Variants in DST observed in about 807,000 individuals in gnomAD.
DST encodes the protein dystonin.
In DST, 253 loss-of-function variants were observed where a neutral mutation model predicts 875.2. The observed-to-expected ratio is 0.29, with a 90% CI of 0.26 to 0.32. The LOEUF is 0.32. Among genes scored for constraint, DST ranks in the 10% least tolerant of loss-of-function variants. The pLI is 1.00. For synonymous variants in DST, 3,124 were observed against 3,197.1 expected (o/e 0.98, Z 0.77); for missense variants, 8,287 against 9,111.6 (o/e 0.91, Z 3.68).
At chr6:56,848,154 C>G (rs1031390500) in intron 4 of DST, among the ~76,000 whole-genome samples, 1 of 152,182 alleles carries the variant, frequency 6.6e-6, no homozygotes, top group Non-Finnish European at 1.5e-5. Context: ...TGTCCATTCA[C>G]CAATCTCTTT....
chr6:56,501,381 T>C lies in DST; in HGVS notation c.19740+139A>G. 6 of 1,135,598 alleles carry C rather than the reference T, an allele frequency of 5.3e-6. No individual in the cohort carries two copies. In the South Asian group the frequency reaches 1.2e-4, roughly 23 times the overall value. 70.3% of individuals were successfully genotyped at this position (1,135,598 alleles called of 1,614,324 possible). ...GCCTAATCATCATATCCTTCTATGT[T>C]TTAAGTTTGACGCTCCTCATGGTTA... is the stretch of plus-strand genomic sequence containing the variant. On this transcript the variant is annotated intron_variant, in intron 79 of 103. Coordinates refer to ENST00000680361, the MANE Select transcript of DST (RefSeq NM_001374736.1).
At chr6:56,511,544 C>G (rs2096476050) in intron 72 of DST, 144 bp from the exon 73 acceptor site, 1 of 653,470 alleles carries the variant, frequency 1.5e-6, no homozygotes, top group African/African-American at 1.8e-5. Context: ...ATGGCTCATA[C>G]AGCTCTTTGC....
Position 56,608,320 on chromosome 6 carries a change from C to T in DST, c.6308G>A (p.Gly2103Asp), listed in dbSNP as rs2152713823. Residue 2103 changes from glycine to aspartate, a missense_variant, in exon 40 of 104, where the codon GGC (glycine) becomes GAC (aspartate). Transcript: ENST00000680361. ...TNELAYKILN[G>D]RQKIAALYIP... ...ATAAAGAGCAGCTATTTTTTGTCTGCCATTCAGGATTTTGTAGGCCAATTC... is the reference window on the plus strand; with the variant it reads ...ATAAAGAGCAGCTATTTTTTGTCTGTCATTCAGGATTTTGTAGGCCAATTC... 1 of 1,612,922 alleles carries T rather than the reference C, an allele frequency of 6.2e-7. No homozygotes were observed. Among genetic ancestry groups the T allele is most frequent in the South Asian group, 1.1e-5 (1 of 91,076 alleles).
At chr6:56,496,219 G>A (rs2095897343) in intron 82 of DST, among the ~76,000 whole-genome samples, 1 of 152,116 alleles carries the variant, frequency 6.6e-6, no homozygotes, top group African/African-American at 2.4e-5. Flanking sequence ...AATTTAAAAT[G>A]TCAATAAATC....
At chr6:56,468,081 T>C (rs1240059289) in intron 98 of DST, among the ~76,000 whole-genome samples, 1 of 152,178 alleles carries the variant, frequency 6.6e-6, no homozygotes, top group South Asian at 2.1e-4. Context: ...AGATGTAATA[T>C]GGCTTTAAAA....
At chr6:56,647,562 T>G (rs2098950504) in intron 13 of DST, among the ~76,000 whole-genome samples, 1 of 152,190 alleles carries the variant, frequency 6.6e-6, no homozygotes, top group African/African-American at 2.4e-5. Flanking sequence ...TAAGGCTTTG[T>G]CGGCAATATT....
At chr6:56,565,328 C>T (rs1481701711) in intron 55 of DST, among the ~76,000 whole-genome samples, 3 of 152,016 alleles carry the variant, frequency 2.0e-5, no homozygotes, top group African/African-American at 7.2e-5. Context: ...ACCGTGTTAA[C>T]CACGATGGTC....
rs770248710 is a variant in DST at position 56,954,411 on chromosome 6, G to A, written c.177C>T (p.Ser59=). 11 of 1,366,712 alleles carry A rather than the reference G, an allele frequency of 8.0e-6. No individual in the cohort carries two copies. The South Asian group carries it at 1.3e-4, about 16-fold the overall frequency. The allele number at this position is 1,366,712 out of a possible 1,614,324, so 84.7% of individuals were successfully genotyped here. A position where few individuals can be genotyped will look rare whatever the true frequency, so the allele number is the denominator to read the frequency against. Residue 59 remains serine (S), a synonymous_variant, in exon 1 of 104, where the codon AGC becomes AGT. Transcript: ENST00000680361. The part of the protein sequence containing the change: ...MKSVFSGRSR[S]RDAVLRSHHF... ...ACCCGTCGCGGCGTGTCTTACCTCG[G>A]CTTCTTGAACGACCCGAGAAGACCG...
intron 2 of DST, among the ~76,000 whole-genome samples, chr6:56,925,803 A>G (rs181163344): frequency 1.6e-4 from 24 of 152,288 alleles, no homozygotes; most frequent in South Asian, 8.3e-4. Flanking sequence ...TTATCTCCCA[A>G]TGAATCTATT....
At chr6:56,472,552 C>T (rs1044887210) in intron 93 of DST, among the ~76,000 whole-genome samples, 3 of 152,164 alleles carry the variant, frequency 2.0e-5, no homozygotes, top group African/African-American at 7.2e-5. Context: ...TGATCCTCCA[C>T]TTTGTTAAAG....
At chr6:56,853,280 T>C (rs1766193307) in intron 3 of DST, among the ~76,000 whole-genome samples, 1 of 152,188 alleles carries the variant, frequency 6.6e-6, no homozygotes, top group Non-Finnish European at 1.5e-5. Context: ...TAAAATTGAT[T>C]TTCTGTATTG....
At chr6:56,563,908 G>A (rs924012758) in intron 55 of DST, among the ~76,000 whole-genome samples, 8 of 152,102 alleles carry the variant, frequency 5.3e-5, no homozygotes, top group African/African-American at 1.9e-4. Context: ...TTATTTCTGA[G>A]GCCTCTGTTC....
chr6:56,835,551 T>C (rs2099792611), intron 4 of DST, among the ~76,000 whole-genome samples: 1 of 152,212 alleles, frequency 6.6e-6, no homozygotes, highest in African/African-American at 2.4e-5. Flanking sequence ...ACTACTGGTG[T>C]AGGAAGAGCC....
chr6:56,830,065 T>A (rs2099785251), intron 4 of DST, among the ~76,000 whole-genome samples: 1 of 152,174 alleles, frequency 6.6e-6, no homozygotes, highest in Non-Finnish European at 1.5e-5. Flanking sequence ...TAATTGCTAA[T>A]TGGTTTATGT....
At chr6:56,557,592 G>T in intron 58 of DST, 74 bp from the exon 59 acceptor site, 1 of 1,138,728 alleles carries the variant, frequency 8.8e-7, no homozygotes, top group Non-Finnish European at 1.3e-6. Flanking sequence ...AGGACTGTAT[G>T]GTATGATTTA....
intron 5 of DST, among the ~76,000 whole-genome samples, chr6:56,719,269 T>G (rs1225274286): frequency 6.6e-6 from 1 of 152,222 alleles, no homozygotes; most frequent in Non-Finnish European, 1.5e-5. Flanking sequence ...AATTTGTATT[T>G]ATTGAAAAAT....
In DST at chr6:56,528,740, C is replaced by T. The variant is rs2096844827; in HGVS notation, c.17680+101G>A. The T allele has an allele frequency of 1.2e-5, 10 of 843,242 alleles. 1 individual carries two copies. The South Asian group carries it at 1.3e-4, about 11-fold the overall frequency. The allele number at this position is 843,242 out of a possible 1,614,324, so 52.2% of individuals were successfully genotyped here. A position where few individuals can be genotyped will look rare whatever the true frequency, so the allele number is the denominator to read the frequency against. On this transcript the variant is annotated intron_variant, in intron 67 of 103. Transcript: ENST00000680361. ...CCAGAATAAAAGTCTTGGAATGGAC[C>T]AAAAATTATAAAGTGTTTTGGTTTT...
chr6:56,899,648 T>C (rs1793090656), intron 3 of DST, among the ~76,000 whole-genome samples: 1 of 152,174 alleles, frequency 6.6e-6, no homozygotes, highest in African/African-American at 2.4e-5. Flanking sequence ...CCAAAGCAAA[T>C]AAAATTATTG....
At chr6:56,704,074 A>C (rs2099322829) in intron 6 of DST, among the ~76,000 whole-genome samples, 1 of 152,178 alleles carries the variant, frequency 6.6e-6, no homozygotes, top group South Asian at 2.1e-4. Flanking sequence ...TAAGTGAAGT[A>C]ATCAAAGTGC....
Sources: gnomAD v4.1 joint callset for allele counts (sites outside exome capture counted in the v4.1 genomes callset) on GRCh38, gnomAD v4.1.1 for gene constraint, MANE v1.5 for transcripts, NCBI Gene and HGNC (gene_info 2026-07-23, HGNC 2026-07-21) for gene names.